GRM8: variants seen among roughly 807,000 people sequenced by gnomAD.
The protein encoded by GRM8 is metabotropic glutamate receptor 8.
In GRM8, 47 loss-of-function variants were observed where a neutral mutation model predicts 87.2. That is an observed-to-expected ratio of 0.54 (90% CI 0.43 to 0.69). GRM8 has a LOEUF of 0.69. GRM8 is among the 30% of genes least tolerant of loss of function. GRM8 has a pLI of 0.00. For missense variants in GRM8, 1,019 were observed against 1,139.2 expected, an observed-to-expected ratio of 0.89 and a Z score of 1.52; for synonymous variants, 396 against 404.5, an observed-to-expected ratio of 0.98 and a Z score of 0.25.
chr7:127,228,554 A>G (rs1413645211), intron 2 of GRM8: 1 of 152,202 alleles, frequency 6.6e-6, no homozygotes. Flanking sequence ...GTCTTACTTG[A>G]ATAGACTTTG....
chr7:126,762,840 C>T (rs922244592), intron 7 of GRM8, among the ~76,000 whole-genome samples: 2 of 151,086 alleles, frequency 1.3e-5, no homozygotes, highest in African/African-American at 4.9e-5. Context: ...TGATATGTAC[C>T]AAGCAAATGA....
At chr7:126,715,837 A>G (rs1191140516) in intron 7 of GRM8, among the ~76,000 whole-genome samples, 4 of 152,112 alleles carry the variant, frequency 2.6e-5, no homozygotes, top group Non-Finnish European at 1.5e-5. Context: ...CTTTTCAAAT[A>G]CCCTTTCTAT....
At chr7:126,794,848 G>A (rs1007955856) in intron 6 of GRM8, among the ~76,000 whole-genome samples, 8 of 152,018 alleles carry the variant, frequency 5.3e-5, no homozygotes, top group African/African-American at 1.4e-4. Flanking sequence ...TGATTCCTGC[G>A]CACACTACAG....
chr7:127,059,567 C>G (rs1229876441), intron 3 of GRM8, among the ~76,000 whole-genome samples: 3 of 152,104 alleles, frequency 2.0e-5, no homozygotes, highest in African/African-American at 7.2e-5. Context: ...TAACTCCTGA[C>G]CTTGTGATTG....
rs142988489 is a variant in GRM8 at position 127,198,126 on chromosome 7, A to T, written c.510+44569T>A. ...TGTACAAATTTGGGGAATACATGTG[A>T]TATTTTGATACATGTATATAATGTA... is the stretch of plus-strand genomic sequence containing the variant. On this transcript the variant is annotated intron_variant, in intron 2 of 10. Coordinates refer to ENST00000339582, the MANE Select transcript of GRM8 (RefSeq NM_000845.3). Among the ~76,000 whole-genome samples the T allele has an allele frequency of 1.8e-3, 273 of 152,306 alleles. 1 individual carries two copies. Among genetic ancestry groups the T allele is most frequent in the African/African-American group, 6.1e-3 (254 of 41,566 alleles).
At chr7:127,203,089 ATTAATACTGGAT>A (rs1459936916) in intron 2 of GRM8, among the ~76,000 whole-genome samples, 1 of 152,228 alleles carries the variant, frequency 6.6e-6, no homozygotes, top group East Asian at 1.9e-4. Flanking sequence ...TTGAATCCAT[ATTAATACTGGAT>A]ATCTAATAGA....
At chr7:126,478,835 A>G (rs1360840859) in intron 9 of GRM8, among the ~76,000 whole-genome samples, 2 of 152,044 alleles carry the variant, frequency 1.3e-5, no homozygotes, top group Non-Finnish European at 2.9e-5. Flanking sequence ...CCTAGTTTTC[A>G]CCTTATGAAC....
At chr7:126,900,469 G>T (rs1026186506) in intron 6 of GRM8, among the ~76,000 whole-genome samples, 2 of 148,364 alleles carry the variant, frequency 1.3e-5, no homozygotes, top group East Asian at 2.0e-4. Flanking sequence ...CGTCTGTCCT[G>T]TGTGTTACAT....
chr7:127,089,105 G>T (rs538396829), intron 3 of GRM8, among the ~76,000 whole-genome samples: 1 of 152,340 alleles, frequency 6.6e-6, no homozygotes, highest in South Asian at 2.1e-4. Flanking sequence ...GGGAATTCGA[G>T]ATGAGATCAT....
intron 7 of GRM8, among the ~76,000 whole-genome samples, chr7:126,619,549 T>TA (rs34600473): frequency 1.1e-4 from 17 of 151,980 alleles, no homozygotes; most frequent in Non-Finnish European, 2.4e-4. Context: ...CTATTTACAT[T>TA]AAAAAAAGAA....
chr7:127,111,332 A>G (rs1299917342), intron 2 of GRM8: 1 of 152,222 alleles, frequency 6.6e-6, no homozygotes, highest in Admixed American at 6.5e-5. Flanking sequence ...ATTCATTTAC[A>G]TATATTATTA....
intron 7 of GRM8, among the ~76,000 whole-genome samples, chr7:126,720,146 C>T (rs949707061): frequency 6.7e-6 from 1 of 149,992 alleles, no homozygotes; most frequent in Admixed American, 6.6e-5. Flanking sequence ...ATGTTATTCT[C>T]ACAATTTTTT....
chr7:126,788,521 TTTC>T (rs1820931029), intron 6 of GRM8, among the ~76,000 whole-genome samples: 2 of 152,014 alleles, frequency 1.3e-5, no homozygotes, highest in South Asian at 4.2e-4. Flanking sequence ...TTCTTTATAT[TTTC>T]TTTTTTTCAG....
At position 126,937,913 on chromosome 7, in the gene GRM8, G is replaced by A. The variant is rs187865417; in HGVS notation, c.728-33230C>T. ...GGAAGAAGGTGGGCATATCCTCTACGTGGGATGAAGGGTAGGAAGGGATAC... is the reference window on the plus strand; with the variant it reads ...GGAAGAAGGTGGGCATATCCTCTACATGGGATGAAGGGTAGGAAGGGATAC... On this transcript the variant is annotated intron_variant, in intron 3 of 10. Coordinates refer to ENST00000339582, the MANE Select transcript of GRM8 (RefSeq NM_000845.3). Among the ~76,000 whole-genome samples the A allele has an allele frequency of 1.5e-4, 23 of 152,240 alleles. No individual in the cohort carries two copies. The East Asian group carries it at 4.1e-3, about 27-fold the overall frequency.
intron 8 of GRM8, among the ~76,000 whole-genome samples, chr7:126,603,187 C>T (rs1264613812): frequency 2.2e-4 from 32 of 146,334 alleles, no homozygotes; most frequent in African/African-American, 7.7e-4. Flanking sequence ...ATTCAACAAC[C>T]CTTCATGCTA....
chr7:127,135,548 T>G (rs998732635), intron 2 of GRM8, among the ~76,000 whole-genome samples: 2 of 145,704 alleles, frequency 1.4e-5, no homozygotes, highest in Non-Finnish European at 3.0e-5. Context: ...AAGTCAGAGT[T>G]GACAGCTTAA....
intron 8 of GRM8, among the ~76,000 whole-genome samples, chr7:126,565,089 A>C (rs1457756341): frequency 6.6e-6 from 1 of 152,220 alleles, no homozygotes; most frequent in African/African-American, 2.4e-5. Flanking sequence ...TGAAAAGCCT[A>C]CAGGTAACAT....
intron 6 of GRM8, among the ~76,000 whole-genome samples, chr7:126,851,985 CAG>C (rs1797255991): frequency 6.6e-6 from 1 of 152,092 alleles, no homozygotes; most frequent in South Asian, 2.1e-4. Flanking sequence ...ATTGCCATGC[CAG>C]AGAGAGTAGA....
intron 3 of GRM8, chr7:127,082,134 C>T (rs1822938372): frequency 6.6e-6 from 1 of 152,224 alleles, no homozygotes; most frequent in African/African-American, 2.4e-5. Context: ...CTATACCGCT[C>T]TTTGCCTTCT....
Sources: allele counts gnomAD v4.1 joint callset (sites outside exome capture counted in the v4.1 genomes callset), GRCh38; gene constraint gnomAD v4.1.1; transcripts MANE v1.5; gene names NCBI Gene and HGNC (gene_info 2026-07-23, HGNC 2026-07-21).